Variants in NRXN1 observed in about 807,000 individuals in gnomAD.
NRXN1 encodes neurexin 1.
A neutral mutation model predicts 150.9 loss-of-function variants in NRXN1; 39 were observed. That is an observed-to-expected ratio of 0.26 (90% CI 0.20 to 0.34). The LOEUF is 0.34. NRXN1 is among the 10% of genes least tolerant of loss of function. NRXN1 has a pLI of 1.00. For missense variants in NRXN1, 1,815 were observed against 1,949.9 expected, an observed-to-expected ratio of 0.93 and a Z score of 1.30; for synonymous variants, 924 against 757.0, an observed-to-expected ratio of 1.22 and a Z score of -3.62.
intron 5 of NRXN1, among the ~76,000 whole-genome samples, chr2:50,863,174 A>G (rs1676387126): frequency 6.6e-6 from 1 of 152,052 alleles, no homozygotes; most frequent in South Asian, 2.1e-4. Flanking sequence ...TAGAAGTCCA[A>G]TAATATTTTC....
chr2:50,373,290 AT>A (rs1175183904), intron 17 of NRXN1, among the ~76,000 whole-genome samples: 3 of 78,514 alleles, frequency 3.8e-5, no homozygotes, highest in African/African-American at 1.6e-4. Flanking sequence ...ATTTTATTTT[AT>A]TTTTTATTAT....
intron 5 of NRXN1, among the ~76,000 whole-genome samples, chr2:50,829,001 C>T (rs1670972627): frequency 1.3e-5 from 2 of 152,108 alleles, no homozygotes; most frequent in African/African-American, 4.8e-5. Context: ...CCGAGGCTGG[C>T]GGATCACTCG....
chr2:50,870,543 A>G (rs1424294038), intron 5 of NRXN1, among the ~76,000 whole-genome samples: 1 of 151,904 alleles, frequency 6.6e-6, no homozygotes, highest in East Asian at 1.9e-4. Context: ...GCAACTTACT[A>G]TTCTTTTGCA....
chr2:50,938,611 A>C (rs750931066), intron 2 of NRXN1, among the ~76,000 whole-genome samples: 39 of 152,326 alleles, frequency 2.6e-4, no homozygotes, highest in Non-Finnish European at 2.6e-4. Context: ...ACACTGCTAT[A>C]AAGAACTACC....
At chr2:50,744,598 G>T (rs1699799082) in intron 5 of NRXN1, among the ~76,000 whole-genome samples, 1 of 151,968 alleles carries the variant, frequency 6.6e-6, no homozygotes, top group Non-Finnish European at 1.5e-5. Flanking sequence ...TTGACCTTCG[G>T]AAACTTGTTT....
At chr2:50,040,635 C>G (rs966294338) in intron 21 of NRXN1, among the ~76,000 whole-genome samples, 1 of 151,916 alleles carries the variant, frequency 6.6e-6, no homozygotes, top group Admixed American at 6.6e-5. Context: ...TTTTTATATA[C>G]CATCTTCTAA....
At chr2:50,569,866 A>G (rs994236005) in intron 8 of NRXN1, among the ~76,000 whole-genome samples, 1 of 152,196 alleles carries the variant, frequency 6.6e-6, no homozygotes, top group Non-Finnish European at 1.5e-5. Flanking sequence ...AAAACATTTT[A>G]GCTCTCCACA....
intron 18 of NRXN1, among the ~76,000 whole-genome samples, chr2:50,154,463 A>G (rs2058890856): frequency 6.6e-6 from 1 of 151,864 alleles, no homozygotes; most frequent in Non-Finnish European, 1.5e-5. Context: ...ATAAGATACA[A>G]TGAGATAAAT....
chr2:50,162,676 A>G (rs550054994), intron 18 of NRXN1, among the ~76,000 whole-genome samples: 2 of 152,142 alleles, frequency 1.3e-5, no homozygotes, highest in Middle Eastern at 3.2e-3. Context: ...GACATTTTGT[A>G]TTTCACAAGA....
intron 17 of NRXN1, among the ~76,000 whole-genome samples, chr2:50,368,629 A>C (rs1450163146): frequency 6.6e-6 from 1 of 152,022 alleles, no homozygotes; most frequent in Non-Finnish European, 1.5e-5. Context: ...TGGTTATAAG[A>C]GCCATATTCA....
intron 21 of NRXN1, among the ~76,000 whole-genome samples, chr2:49,966,372 CT>C (rs1676966103): frequency 6.6e-6 from 1 of 152,092 alleles, no homozygotes; most frequent in Non-Finnish European, 1.5e-5. Flanking sequence ...GACAATTTTT[CT>C]GGCACTACCT....
intron 17 of NRXN1, among the ~76,000 whole-genome samples, chr2:50,362,684 A>G (rs535656471): frequency 1.2e-3 from 189 of 152,354 alleles, no homozygotes; most frequent in African/African-American, 4.4e-3. Flanking sequence ...TAATTTATGC[A>G]TTTAATGTTT....
chr2:50,093,605 G>C (rs752288811), intron 18 of NRXN1, among the ~76,000 whole-genome samples: 35 of 152,174 alleles, frequency 2.3e-4, no homozygotes, highest in South Asian at 6.2e-4. Flanking sequence ...CTGAACTCCT[G>C]CCTGGTTGAC....
intron 12 of NRXN1, among the ~76,000 whole-genome samples, chr2:50,525,500 C>T (rs753538463): frequency 3.3e-5 from 5 of 152,154 alleles, no homozygotes; most frequent in Non-Finnish European, 5.9e-5. Flanking sequence ...TAATTCATTT[C>T]TGTGCTCACC....
intron 15 of NRXN1, among the ~76,000 whole-genome samples, chr2:50,485,729 A>G (rs903398513): frequency 1.3e-5 from 2 of 152,220 alleles, no homozygotes; most frequent in African/African-American, 4.8e-5. Flanking sequence ...GAGCAGAAGC[A>G]TCCCCCTACA....
chr2:50,164,412 C>T (rs989255801), intron 18 of NRXN1, among the ~76,000 whole-genome samples: 2 of 152,052 alleles, frequency 1.3e-5, no homozygotes, highest in Non-Finnish European at 2.9e-5. Context: ...GCAGAGAAGA[C>T]CATAAGAAAT....
chr2:50,604,191 T>C (rs80177202), intron 8 of NRXN1, among the ~76,000 whole-genome samples: 33,930 of 152,096 alleles, frequency 0.22, 3,884 homozygotes, highest in Admixed American at 0.27. Context: ...TCTAGAAATA[T>C]CCATGGCAGT....
chr2:50,848,009 C>T (rs1306596967), intron 5 of NRXN1, among the ~76,000 whole-genome samples: 1 of 152,150 alleles, frequency 6.6e-6, no homozygotes, highest in African/African-American at 2.4e-5. Flanking sequence ...CCCCAGGATA[C>T]AGAAATCCCT....
chr2:50,223,982 A>G (rs1253766671), intron 18 of NRXN1, among the ~76,000 whole-genome samples: 1 of 151,940 alleles, frequency 6.6e-6, no homozygotes, highest in Non-Finnish European at 1.5e-5. Context: ...CAACTCACAA[A>G]GCAGCAAAGA....
Sources: allele counts gnomAD v4.1 joint callset (sites outside exome capture counted in the v4.1 genomes callset), GRCh38; gene constraint gnomAD v4.1.1; transcripts MANE v1.5; gene names NCBI Gene and HGNC (gene_info 2026-07-23, HGNC 2026-07-21).